The following AGBL1 variants were observed in gnomAD, a reference collection of about 807,000 sequenced individuals.
AGBL1 encodes the protein AGBL carboxypeptidase 1.
AGBL1 carries 130 observed loss-of-function variants against 118.9 expected under a neutral mutation model. The observed-to-expected ratio is 1.09, with a 90% CI of 0.95 to 1.26. AGBL1 has a LOEUF of 1.26. Ranked by LOEUF, AGBL1 falls within the 50% of genes most tolerant of loss-of-function variation. The pLI, the probability that AGBL1 is intolerant of heterozygous loss-of-function variation, is 0.00. For synonymous variants in AGBL1, 555 were observed against 478.9 expected, an observed-to-expected ratio of 1.16 and a Z score of -2.08; for missense variants, 1,584 against 1,298.1, an observed-to-expected ratio of 1.22 and a Z score of -3.38.
rs1555438031 is a variant in AGBL1, at chr15:86,686,442, G to GA, written c.3158+12006_3158+12007insA. Among the ~76,000 whole-genome samples the GA allele has an allele frequency of 4.0e-4, 51 of 127,126 alleles. 1 individual carries two copies. The highest frequency in any genetic ancestry group is 6.3e-4 in the Non-Finnish European group (39 of 61,764). 83.4% of individuals were successfully genotyped at this position (127,126 alleles called of 152,430 possible). A position where few individuals can be genotyped will look rare whatever the true frequency, so the allele number is the denominator to read the frequency against. ...TTATTGACTGCTTAGCATATTCTAA[G>GA]TTTTTTTTTTTTTTTTTTTGAGATG... On this transcript the variant is annotated intron_variant, in intron 22 of 22. Transcript: ENST00000614907.
chr15:86,824,253 A>T (rs561974535), intron 22 of AGBL1, among the ~76,000 whole-genome samples: 8 of 152,184 alleles, frequency 5.3e-5, no homozygotes, highest in Non-Finnish European at 1.0e-4. Context: ...TGTAGAATCT[A>T]AGATCAATAC....
intron 5 of AGBL1, among the ~76,000 whole-genome samples, chr15:86,178,774 T>C (rs78907877): frequency 0.017 from 2,543 of 152,302 alleles, 28 homozygotes; most frequent in East Asian, 0.072. Context: ...GGCAAAGACT[T>C]TACAAAGAAG....
At chr15:86,200,387 T>C (rs1413202775) in intron 5 of AGBL1, among the ~76,000 whole-genome samples, 2 of 152,346 alleles carry the variant, frequency 1.3e-5, no homozygotes, top group East Asian at 1.9e-4. Flanking sequence ...TAGCACCTCA[T>C]TTATGCCATC....
chr15:86,310,216 G>T (rs1193237915), intron 17 of AGBL1, among the ~76,000 whole-genome samples: 1 of 152,180 alleles, frequency 6.6e-6, no homozygotes, highest in Non-Finnish European at 1.5e-5. Flanking sequence ...TGTTGCCACA[G>T]AATTGTTCAT....
chr15:86,649,776 TGGG>T (rs1348878095), intron 21 of AGBL1, among the ~76,000 whole-genome samples: 3 of 150,888 alleles, frequency 2.0e-5, no homozygotes, highest in Non-Finnish European at 4.4e-5. Flanking sequence ...TTTTTTTTGG[TGGG>T]GGGCTTATAA....
At chr15:86,244,212 T>TA (rs1359889623) in intron 6 of AGBL1, among the ~76,000 whole-genome samples, 21 of 152,140 alleles carry the variant, frequency 1.4e-4, no homozygotes, top group African/African-American at 4.6e-4. Context: ...ATAGCAGAGC[T>TA]GGTCTCTTCC....
At chr15:86,755,541 C>T (rs903610912) in intron 22 of AGBL1, among the ~76,000 whole-genome samples, 4 of 152,048 alleles carry the variant, frequency 2.6e-5, no homozygotes, top group Admixed American at 1.3e-4. Context: ...TATAACGTAC[C>T]GTTCATTTTA....
At chr15:86,792,299 T>C (rs1421881180) in intron 22 of AGBL1, among the ~76,000 whole-genome samples, 2 of 152,170 alleles carry the variant, frequency 1.3e-5, no homozygotes, top group African/African-American at 4.8e-5. Context: ...ATGTTCTAAT[T>C]TGATTAATCT....
chr15:86,930,855 G>T (rs1355372970), intron 23 of AGBL1, among the ~76,000 whole-genome samples: 1 of 152,178 alleles, frequency 6.6e-6, no homozygotes, highest in African/African-American at 2.4e-5. Flanking sequence ...AAGCAAAAAG[G>T]TAATAGTGGC....
At position 86,613,351 on chromosome 15, in the gene AGBL1, G is replaced by A. The variant is rs74945621; in HGVS notation, c.2994+58814G>A. ...GTAGGTGACTTTAGCTGGATCTAAT[G>A]GGGCAGTAGGACACCGGTTGGTGCG... On this transcript the variant is annotated intron_variant, in intron 21 of 22. Coordinates refer to ENST00000614907, the MANE Select transcript of AGBL1 (RefSeq NM_001386094.1). This position sits in a 1 kb window ranked among gnomAD's most constrained non-coding sequence, Gnocchi z 4.2. 3.8e-3 allele frequency among the ~76,000 whole-genome samples: 575 copies of A among 152,266 alleles called. 26 individuals are homozygous for A. In the East Asian group the frequency reaches 0.088, roughly 23 times the overall value.
intron 22 of AGBL1, among the ~76,000 whole-genome samples, chr15:86,747,098 G>T (rs941921367): frequency 6.6e-6 from 1 of 151,976 alleles, no homozygotes; most frequent in African/African-American, 2.4e-5. Flanking sequence ...TGCACCCCAG[G>T]ACTCTAGAGG....
intron 22 of AGBL1, among the ~76,000 whole-genome samples, chr15:86,726,943 G>C (rs947323328): frequency 3.3e-5 from 5 of 152,084 alleles, no homozygotes; most frequent in East Asian, 1.9e-4. Flanking sequence ...TAGAAACGTC[G>C]TTTTCCTCGT....
At chr15:86,169,476 G>A (rs1484233730) in intron 5 of AGBL1, among the ~76,000 whole-genome samples, 1 of 152,162 alleles carries the variant, frequency 6.6e-6, no homozygotes. Flanking sequence ...GAGGAATAAA[G>A]TCATCCCTCG....
chr15:86,672,091 C>G (rs2085756219), intron 21 of AGBL1, among the ~76,000 whole-genome samples: 1 of 152,072 alleles, frequency 6.6e-6, no homozygotes, highest in Non-Finnish European at 1.5e-5. Context: ...ACAAAAACAA[C>G]TCTCAAATAT....
At chr15:86,680,039 A>T (rs190325135) in intron 22 of AGBL1, among the ~76,000 whole-genome samples, 175 of 152,288 alleles carry the variant, frequency 1.1e-3, no homozygotes, top group Non-Finnish European at 2.0e-3. Context: ...GGTAGGATAC[A>T]TCTGCACCTT....
chr15:86,569,816 T>G (rs2083976178), intron 21 of AGBL1, among the ~76,000 whole-genome samples: 1 of 152,110 alleles, frequency 6.6e-6, no homozygotes, highest in South Asian at 2.1e-4. Flanking sequence ...TCGTAGAAAA[T>G]TGTTCCTTCT....
intron 15 of AGBL1, among the ~76,000 whole-genome samples, chr15:86,273,997 A>G (rs1394926848): frequency 6.6e-6 from 1 of 152,228 alleles, no homozygotes; most frequent in Non-Finnish European, 1.5e-5. Context: ...TATTTTGACA[A>G]TGTGCCACTA....
chr15:86,604,873 G>T (rs1242850396), intron 21 of AGBL1, among the ~76,000 whole-genome samples: 1 of 141,918 alleles, frequency 7.0e-6, no homozygotes, highest in Admixed American at 7.6e-5. Context: ...TCGGCTCACT[G>T]CAACCTCCGC....
At chr15:86,112,429 T>C (rs542321035) in intron 1 of AGBL1, among the ~76,000 whole-genome samples, 1 of 152,354 alleles carries the variant, frequency 6.6e-6, no homozygotes, top group East Asian at 1.9e-4. Flanking sequence ...CTCACATTAA[T>C]AAAAATGTCC....
Sources: allele counts gnomAD v4.1 joint callset (sites outside exome capture counted in the v4.1 genomes callset), GRCh38; gene constraint gnomAD v4.1.1; non-coding constraint Gnocchi (gnomAD v3.1); transcripts MANE v1.5; gene names NCBI Gene and HGNC (gene_info 2026-07-23, HGNC 2026-07-21).